Variants in CDHR3 observed in about 807,000 individuals in gnomAD.
The protein encoded by CDHR3 is cadherin-related family member 3.
Under a neutral mutation model 86.6 loss-of-function variants are expected in CDHR3, and 79 were observed. That is an observed-to-expected ratio of 0.91 (90% CI 0.76 to 1.10). CDHR3 has a LOEUF of 1.10. Ranked by LOEUF, CDHR3 falls within the 50% of genes least tolerant of loss-of-function variation. The pLI is 0.00. For synonymous variants in CDHR3, 421 were observed against 402.4 expected, an observed-to-expected ratio of 1.05 and a Z score of -0.55; for missense variants, 1,081 against 1,077.6, an observed-to-expected ratio of 1.00 and a Z score of -0.04.
intron 4 of CDHR3, among the ~76,000 whole-genome samples, chr7:105,990,712 C>T (rs1385299472): frequency 8.0e-6 from 1 of 125,504 alleles, no homozygotes; most frequent in Non-Finnish European, 1.6e-5. Context: ...AAGCTGAATT[C>T]TTGTTGTTTG....
chr7:106,022,916 C>A (rs1012154000), intron 14 of CDHR3, among the ~76,000 whole-genome samples: 6 of 152,128 alleles, frequency 3.9e-5, no homozygotes, highest in Admixed American at 3.3e-4. Flanking sequence ...CAATCTGTAC[C>A]CTACACCCCA....
At chr7:106,026,804 C>G (rs1030978562) in intron 16 of CDHR3, 109 bp downstream of exon 16, 1 of 1,128,074 alleles carries the variant, frequency 8.9e-7, no homozygotes, top group Non-Finnish European at 1.3e-6. Context: ...CATCTTGGAG[C>G]ATTTTCAGCT....
chr7:106,002,424 G>T (rs140829293), intron 7 of CDHR3, among the ~76,000 whole-genome samples: 18 of 152,304 alleles, frequency 1.2e-4, no homozygotes, highest in African/African-American at 4.3e-4. Flanking sequence ...ATTTAGCAAG[G>T]TCCGTTTGTT....
intron 1 of CDHR3, among the ~76,000 whole-genome samples, chr7:105,969,104 T>TAAAAATA (rs1827473738): frequency 9.2e-6 from 1 of 108,386 alleles, no homozygotes; most frequent in Non-Finnish European, 1.9e-5. Flanking sequence ...AAAATAAAAA[T>TAAAAATA]AAAAAAAGTG....
Position 106,007,225 on chromosome 7 carries a change from G to T in CDHR3, c.1052+2538G>T, listed in dbSNP as rs140350078. ...CCGTTTCTTCCTCCTAAACCTCTGG[G>T]CCTGTGATGGGAGTGGCTTCCACAG... is the stretch of plus-strand genomic sequence containing the variant. On this transcript the variant is annotated intron_variant, in intron 8 of 18. Transcript: ENST00000317716. Among the ~76,000 whole-genome samples the T allele has an allele frequency of 1.8e-4, 28 of 152,348 alleles. No individual in the cohort carries two copies. The East Asian group carries it at 5.4e-3, about 29-fold the overall frequency.
intron 11 of CDHR3, among the ~76,000 whole-genome samples, chr7:106,016,811 C>A (rs73195660): frequency 0.04 from 6,093 of 152,292 alleles, 167 homozygotes; most frequent in South Asian, 0.13. Context: ...CTTTTAATTT[C>A]TTATACCTTA....
At chr7:106,003,902 T>C (rs1255579804) in intron 7 of CDHR3, among the ~76,000 whole-genome samples, 1 of 144,206 alleles carries the variant, frequency 6.9e-6, no homozygotes, top group Non-Finnish European at 1.5e-5. Context: ...TTTTAACAAG[T>C]AGAGTGAGGT....
rs1323868315 is a variant in CDHR3 at position 106,017,876 on chromosome 7, C to T, written c.1457C>T (p.Thr486Ile). 2.2e-5 allele frequency: 35 copies of T among 1,598,320 alleles called. No individual in the cohort carries two copies. The highest frequency in any genetic ancestry group is 2.9e-5 in the Non-Finnish European group (34 of 1,172,510). ...ARTRVGQVRATDKDLPQSSLL... is the reference protein window; with the variant it reads ...ARTRVGQVRAIDKDLPQSSLL... Reference sequence around the variant, plus strand: ...ACCCGAGTGGGACAGGTGCGAGCCACTGATAAAGACCTCCCCCAGAGCAGC... The same window carrying T: ...ACCCGAGTGGGACAGGTGCGAGCCATTGATAAAGACCTCCCCCAGAGCAGC... The change falls in exon 12 of 19, where the codon ACT (threonine) becomes ATT (isoleucine). Residue 486 changes from threonine to isoleucine, a missense_variant. Coordinates refer to ENST00000317716, the MANE Select transcript of CDHR3 (RefSeq NM_152750.5).
chr7:106,028,934 TTCTTTCTTTCTTTCTTTC>T (rs1487728116), intron 17 of CDHR3, among the ~76,000 whole-genome samples: 15 of 112,214 alleles, frequency 1.3e-4, no homozygotes, highest in African/African-American at 3.0e-4. Flanking sequence ...CTTTCTTTCT[TTCTTTCTTTCTTTCTTTC>T]TTTCTTTCTT....
intron 1 of CDHR3, among the ~76,000 whole-genome samples, chr7:105,967,465 A>AC (rs778459880): frequency 6.6e-6 from 1 of 152,230 alleles, no homozygotes; most frequent in Non-Finnish European, 1.5e-5. Flanking sequence ...CTTTGGGTAT[A>AC]ACCCAGTAAT....
intron 14 of CDHR3, among the ~76,000 whole-genome samples, chr7:106,022,910 C>G (rs1483093264): frequency 6.6e-6 from 1 of 152,190 alleles, no homozygotes; most frequent in Non-Finnish European, 1.5e-5. Flanking sequence ...AGGTACCAAT[C>G]TGTACCCTAC....
intron 18 of CDHR3, among the ~76,000 whole-genome samples, chr7:106,032,161 G>C (rs978154763): frequency 2.6e-5 from 4 of 152,186 alleles, no homozygotes; most frequent in Non-Finnish European, 4.4e-5. Flanking sequence ...TTTCTATCCA[G>C]AGAGGTTTGC....
At chr7:106,004,842 T>C in intron 8 of CDHR3, 155 bp downstream of exon 8, 2 of 692,056 alleles carry the variant, frequency 2.9e-6, no homozygotes, top group Non-Finnish European at 4.7e-6. Flanking sequence ...TGTCCACAGG[T>C]TTCCTTGTTA....
At chr7:105,980,623 A>ATTTTTTTT (rs55880404) in intron 2 of CDHR3, among the ~76,000 whole-genome samples, 24 of 108,120 alleles carry the variant, frequency 2.2e-4, no homozygotes, top group African/African-American at 4.1e-4. Flanking sequence ...TTTTTTTTTA[A>ATTTTTTTT]TTTTTTTTTT....
chr7:106,023,342 T>C (rs570372029), intron 14 of CDHR3, among the ~76,000 whole-genome samples: 2 of 152,136 alleles, frequency 1.3e-5, no homozygotes, highest in African/African-American at 4.8e-5. Context: ...GAGGGGGAGA[T>C]AGATTACAAA....
Position 106,030,410 on chromosome 7 carries a change from G to A in CDHR3, c.2305-382G>A, listed in dbSNP as rs1156815906. On this transcript the variant is annotated intron_variant, in intron 17 of 18. Coordinates refer to ENST00000317716, the MANE Select transcript of CDHR3 (RefSeq NM_152750.5). This position sits in a 1 kb window ranked among gnomAD's most constrained non-coding sequence, Gnocchi z 4.8. ...CCTGACAGCAATTCACTGACACAAC[G>A]TAGGTCTTAGCCATGCTGTGTGGCA... 1.3e-5 allele frequency among the ~76,000 whole-genome samples: 2 copies of A among 152,188 alleles called. No individual in the cohort carries two copies. The highest frequency in any genetic ancestry group is 2.4e-5 in the African/African-American group (1 of 41,434).
rs182770823 is a variant in CDHR3, at chr7:105,984,803, A to G, written c.513+514A>G. Among the ~76,000 whole-genome samples the G allele has an allele frequency of 1.7e-3, 262 of 152,322 alleles. 1 individual carries two copies. The highest frequency in any genetic ancestry group is 6.0e-3 in the African/African-American group (250 of 41,578). ...AAAAATTAAAAAAGAGGCCAGATGC[A>G]GCGGCTCATGCCTGTAATCCCAAGA... On this transcript the variant is annotated intron_variant, in intron 4 of 18. Coordinates refer to ENST00000317716, the MANE Select transcript of CDHR3 (RefSeq NM_152750.5).
In CDHR3 at chr7:105,984,291, T is replaced by C; in HGVS notation, c.513+2T>C. The C allele has an allele frequency of 6.2e-7, 1 of 1,602,640 alleles. No individual in the cohort carries two copies. The highest frequency in any genetic ancestry group is 1.1e-5 in the South Asian group (1 of 89,800). On this transcript the variant is annotated splice_donor_variant, in intron 4 of 18. Coordinates refer to ENST00000317716, the MANE Select transcript of CDHR3 (RefSeq NM_152750.5). LOFTEE classifies it high-confidence loss of function. The stretch of plus-strand genomic sequence containing the variant: ...ACAAGCCGAAACATTCCCCTCAGTG[T>C]AAGTGTCCTTATATGGAAGAGGTGG...
chr7:106,025,648 G>T (rs1231494918), intron 15 of CDHR3, among the ~76,000 whole-genome samples: 1 of 152,078 alleles, frequency 6.6e-6, no homozygotes, highest in Non-Finnish European at 1.5e-5. Context: ...TGCCTTTTAC[G>T]GGTATTTTAA....
Sources: allele counts gnomAD v4.1 joint callset (sites outside exome capture counted in the v4.1 genomes callset), GRCh38; gene constraint gnomAD v4.1.1; non-coding constraint Gnocchi (gnomAD v3.1); transcripts MANE v1.5; gene names NCBI Gene and HGNC (gene_info 2026-07-23, HGNC 2026-07-21).